TIA1: variants seen among roughly 807,000 people sequenced by gnomAD.
The protein encoded by TIA1 is cytotoxic granule associated RNA binding protein TIA1.
A neutral mutation model predicts 65.9 loss-of-function variants in TIA1; 23 were observed. That is an observed-to-expected ratio of 0.35 (90% CI 0.25 to 0.49). The LOEUF (loss-of-function observed/expected upper bound fraction) is 0.49, where lower values mean the gene tolerates loss of function less well. TIA1 is among the 20% of genes least tolerant of loss of function. TIA1 has a pLI of 0.98. For missense variants in TIA1, 371 were observed against 477.9 expected (o/e 0.78, Z 2.09); for synonymous variants, 147 against 149.4 (o/e 0.98, Z 0.12).
At chr2:70,247,384 G>C (rs1027398424) in intron 1 of TIA1, among the ~76,000 whole-genome samples, 1 of 152,176 alleles carries the variant, frequency 6.6e-6, no homozygotes, top group African/African-American at 2.4e-5. Flanking sequence ...GCTGCAAAGA[G>C]AAACCTAAAA....
chr2:70,218,482 A>T (rs1411142675), intron 7 of TIA1, among the ~76,000 whole-genome samples: 1 of 152,182 alleles, frequency 6.6e-6, no homozygotes, highest in Admixed American at 6.5e-5. Context: ...CCCAGGCTGG[A>T]GTGCAGTGGC....
chr2:70,230,667 AGT>A, intron 3 of TIA1, 87 bp downstream of exon 3: 1 of 1,036,986 alleles, frequency 9.6e-7, no homozygotes, highest in Non-Finnish European at 1.4e-6. Context: ...AAAAAAAAAA[AGT>A]GTTTAATGTT....
chr2:70,242,859 AAC>A (rs1011816747), intron 1 of TIA1, among the ~76,000 whole-genome samples: 13 of 152,068 alleles, frequency 8.5e-5, no homozygotes, highest in African/African-American at 3.1e-4. Context: ...TCTGAGGTGG[AAC>A]AGTTTCATCC....
At chr2:70,234,139 G>A (rs1230215853) in intron 2 of TIA1, among the ~76,000 whole-genome samples, 2 of 152,174 alleles carry the variant, frequency 1.3e-5, no homozygotes, top group Non-Finnish European at 2.9e-5. Flanking sequence ...AACCAACAGA[G>A]AAGATTTATA....
chr2:70,241,755 C>T (rs1376212575), intron 1 of TIA1, among the ~76,000 whole-genome samples: 2 of 151,954 alleles, frequency 1.3e-5, no homozygotes, highest in African/African-American at 4.8e-5. Flanking sequence ...GCTAGGGCAA[C>T]ATAGTGATAT....
intron 2 of TIA1, among the ~76,000 whole-genome samples, chr2:70,231,104 C>T (rs570437102): frequency 6.6e-6 from 1 of 152,072 alleles, no homozygotes; most frequent in South Asian, 2.1e-4. Context: ...TTGAGACCAA[C>T]TTGGCCAACG....
intron 10 of TIA1, 160 bp downstream of exon 10, chr2:70,216,048 G>C (rs977371109): frequency 2.9e-6 from 2 of 689,028 alleles, no homozygotes; most frequent in Admixed American, 6.6e-5. Context: ...CACCGCACCC[G>C]GCCAAAATTT....
chr2:70,219,026 C>G (rs1558781820), intron 7 of TIA1, among the ~76,000 whole-genome samples: 1 of 152,100 alleles, frequency 6.6e-6, no homozygotes, highest in Non-Finnish European at 1.5e-5. Flanking sequence ...GGGAACAGGT[C>G]TGAGGAAGAA....
In TIA1 at chr2:70,229,281, T is replaced by C. The variant is rs1014126810; in HGVS notation, c.260A>G (p.Gln87Arg). The C allele has an allele frequency of 1.2e-6, 2 of 1,613,732 alleles. No individual in the cohort carries two copies. The highest frequency in any genetic ancestry group is 1.7e-6 in the Non-Finnish European group (2 of 1,179,958). Residue 87 changes from glutamine (Q) to arginine (R), a missense_variant, in exon 4 of 13, where the codon CAA becomes CGA. Physicochemically the swap from Gln to Arg is conservative, Grantham distance 43. Coordinates refer to ENST00000433529, the MANE Select transcript of TIA1 (RefSeq NM_022173.4). ...ATACTTACTGCTTGTATCTTTCTTT[T>C]GACTGCTAGGGGTTGTTGCCCAATT... is the stretch of plus-strand genomic sequence containing the variant. ...KVNWATTPSS[Q>R]KKDTSSSTVV... is the part of the protein sequence containing the mutation.
At chr2:70,233,703 T>G (rs1273997806) in intron 2 of TIA1, among the ~76,000 whole-genome samples, 2 of 151,742 alleles carry the variant, frequency 1.3e-5, no homozygotes, top group Non-Finnish European at 2.9e-5. Context: ...GAGGCAGAGT[T>G]TGCAGTGAGC....
At chr2:70,246,415 G>C (rs1694324137) in intron 1 of TIA1, among the ~76,000 whole-genome samples, 2 of 152,190 alleles carry the variant, frequency 1.3e-5, no homozygotes, top group Admixed American at 1.3e-4. Context: ...AAAACTTAGG[G>C]ATTAGTACCC....
intron 2 of TIA1, among the ~76,000 whole-genome samples, chr2:70,232,208 CAAAAAAAAAAA>C (rs11427986): frequency 5.5e-4 from 35 of 63,918 alleles, no homozygotes; most frequent in African/African-American, 2.2e-3. Context: ...GACTCTGTCT[CAAAAAAAAAAA>C]AAAAAAGAAA....
chr2:70,231,089 G>C (rs1686061854), intron 2 of TIA1, among the ~76,000 whole-genome samples: 1 of 152,126 alleles, frequency 6.6e-6, no homozygotes, highest in South Asian at 2.1e-4. Context: ...CATGAGGTCA[G>C]CAGTTTGAGA....
At chr2:70,246,743 G>A (rs1394205486) in intron 1 of TIA1, among the ~76,000 whole-genome samples, 3 of 151,952 alleles carry the variant, frequency 2.0e-5, no homozygotes, top group Non-Finnish European at 4.4e-5. Flanking sequence ...AAAATTAGCC[G>A]GGCATGGTGG....
At chr2:70,213,000 C>A (rs1028042053) in intron 12 of TIA1, among the ~76,000 whole-genome samples, 155 bp from the exon 13 acceptor site, 1 of 152,198 alleles carries the variant, frequency 6.6e-6, no homozygotes, top group Non-Finnish European at 1.5e-5. Context: ...AAAATGAAAT[C>A]TTTTACTAAA....
At chr2:70,214,632 TAAAAAAAA>T (rs758601002) in intron 11 of TIA1, 138 bp from the exon 12 acceptor site, 6,203 of 311,974 alleles carry the variant, frequency 0.02, 298 homozygotes, top group South Asian at 0.083. Context: ...AGTTGACTGC[TAAAAAAAA>T]AAAAAAAAAA....
At chr2:70,248,738 C>T (rs766970255), upstream of TIA1, 5 of 415,080 alleles carry the variant, frequency 1.2e-5, no homozygotes, top group Non-Finnish European at 1.7e-5. Flanking sequence ...TCCATAGGTT[C>T]ACTTGTTGCG....
At chr2:70,213,669 T>G (rs919792016) in intron 12 of TIA1, among the ~76,000 whole-genome samples, 3 of 150,908 alleles carry the variant, frequency 2.0e-5, no homozygotes, top group Admixed American at 2.0e-4. Flanking sequence ...TTTTTTTTTT[T>G]GAGACAGAGT....
At position 70,248,468 on chromosome 2, in the gene TIA1, C is replaced by T; in HGVS notation, c.-38G>A. 6.2e-7 allele frequency: 1 copy of T among 1,600,814 alleles called. No individual in the cohort carries two copies. The highest frequency in any genetic ancestry group is 8.5e-7 in the Non-Finnish European group (1 of 1,179,964). ...CGCGGCGGCGCCTCCAGGTCCAGCTCCCTGCCCTTCACTACCTCCCAAATC... is the reference window on the plus strand; with the variant it reads ...CGCGGCGGCGCCTCCAGGTCCAGCTTCCTGCCCTTCACTACCTCCCAAATC... On this transcript the variant is annotated 5_prime_UTR_variant, in exon 1 of 13. Transcript: ENST00000433529.
Sources: gnomAD v4.1 joint callset for allele counts (sites outside exome capture counted in the v4.1 genomes callset) on GRCh38, gnomAD v4.1.1 for gene constraint, MANE v1.5 for transcripts, NCBI Gene and HGNC (gene_info 2026-07-23, HGNC 2026-07-21) for gene names.